Variants in XKR9 observed in about 807,000 individuals in gnomAD.
XKR9 encodes the protein XK related 9, also known as XK-related protein 9.
XKR9 carries 32 observed loss-of-function variants against 32.0 expected under a neutral mutation model. The ratio of observed to expected loss-of-function variants is 1.00; its 90% CI spans 0.76 to 1.34. The LOEUF (loss-of-function observed/expected upper bound fraction) is 1.34, where lower values mean the gene tolerates loss of function less well. Ranked by LOEUF, XKR9 falls within the 40% of genes most tolerant of loss-of-function variation. The pLI is 0.00. For missense variants in XKR9, 546 were observed against 429.7 expected (o/e 1.27, Z -2.39); for synonymous variants, 168 against 143.4 (o/e 1.17, Z -1.22).
the XKR9 span, among the ~76,000 whole-genome samples, chr8:70,839,479 C>T: frequency 6.6e-6 from 1 of 152,102 alleles, no homozygotes; most frequent in Admixed American, 6.6e-5. Flanking sequence ...CTATTTTTCT[C>T]AAACATAGCC....
chr8:70,942,268 G>A, the XKR9 span, among the ~76,000 whole-genome samples: 6 of 152,116 alleles, frequency 3.9e-5, no homozygotes, highest in Non-Finnish European at 7.4e-5. Flanking sequence ...ACATCACCCT[G>A]CAGCTAGTTA....
the XKR9 span, among the ~76,000 whole-genome samples, chr8:71,041,030 C>T: frequency 6.6e-6 from 1 of 152,190 alleles, no homozygotes; most frequent in Non-Finnish European, 1.5e-5. Context: ...AATTTGACTC[C>T]TCATCAGTAA....
intron 2 of XKR9, among the ~76,000 whole-genome samples, chr8:70,748,345 C>T (rs1221208998): frequency 2.0e-5 from 3 of 152,214 alleles, no homozygotes; most frequent in African/African-American, 4.8e-5. Flanking sequence ...AAGCCCCCTT[C>T]CCCCCACAGG....
the XKR9 span, among the ~76,000 whole-genome samples, chr8:71,046,754 TA>T: frequency 6.6e-6 from 1 of 152,208 alleles, no homozygotes; most frequent in African/African-American, 2.4e-5. Flanking sequence ...ATTGCTTCAC[TA>T]AATGGAAGAA....
At chr8:70,717,593 T>C (rs1279570211) in intron 4 of XKR9, among the ~76,000 whole-genome samples, 1 of 152,184 alleles carries the variant, frequency 6.6e-6, no homozygotes, top group Admixed American at 6.5e-5. Flanking sequence ...GTCCTGAGGC[T>C]GCATAGAGCA....
At chr8:70,950,631 A>G in the XKR9 span, among the ~76,000 whole-genome samples, 1 of 151,910 alleles carries the variant, frequency 6.6e-6, no homozygotes, top group Non-Finnish European at 1.5e-5. Flanking sequence ...GGTTGTGGAG[A>G]AGCTCTTCCC....
chr8:70,700,972 G>T (rs1266911764), intron 3 of XKR9, among the ~76,000 whole-genome samples: 1 of 152,224 alleles, frequency 6.6e-6, no homozygotes, highest in African/African-American at 2.4e-5. Flanking sequence ...ACTCCGTGGG[G>T]CGTAGGACCC....
chr8:70,715,578 A>G (rs1806060766), intron 4 of XKR9, among the ~76,000 whole-genome samples: 1 of 152,136 alleles, frequency 6.6e-6, no homozygotes, highest in Non-Finnish European at 1.5e-5. Context: ...TAGAGAAATC[A>G]CCAAAGAATA....
chr8:70,803,026 A>G, the XKR9 span, among the ~76,000 whole-genome samples: 461 of 152,338 alleles, frequency 3.0e-3, 18 homozygotes, highest in Admixed American at 0.029. Context: ...ATTTTCATCA[A>G]TGATATCCTC....
intron 2 of XKR9, among the ~76,000 whole-genome samples, chr8:70,763,291 C>A (rs968213033): frequency 6.6e-6 from 1 of 152,162 alleles, no homozygotes; most frequent in African/African-American, 2.4e-5. Flanking sequence ...TATCGTGAGG[C>A]AGTGGCCTTG....
the XKR9 span, among the ~76,000 whole-genome samples, chr8:70,842,307 A>G: frequency 1.1e-4 from 16 of 152,068 alleles, no homozygotes; most frequent in Non-Finnish European, 2.4e-4. Flanking sequence ...TTTTAGCACA[A>G]TTTTTACCAT....
rs1171275543 is a variant in XKR9, at chr8:70,671,073, C to G, written c.-361+1535C>G. ...TTTACTTACAGGGTCTGGCTTTCAC[C>G]CGGGCTGCAGTGCAGTGGCACTATC... On this transcript the variant is annotated intron_variant, in intron 1 of 4. Coordinates refer to ENST00000408926, the MANE Select transcript of XKR9 (RefSeq NM_001011720.2). 2.6e-5 allele frequency among the ~76,000 whole-genome samples: 4 copies of G among 152,280 alleles called. No homozygotes were observed. In the East Asian group the frequency reaches 7.7e-4, roughly 29 times the overall value.
chr8:70,844,575 G>A, the XKR9 span, among the ~76,000 whole-genome samples: 1 of 152,158 alleles, frequency 6.6e-6, no homozygotes, highest in Non-Finnish European at 1.5e-5. Flanking sequence ...ACAGCCTCAA[G>A]TGCACCAGTG....
chr8:70,802,536 A>G, the XKR9 span, among the ~76,000 whole-genome samples: 2 of 152,158 alleles, frequency 1.3e-5, no homozygotes, highest in African/African-American at 4.8e-5. Flanking sequence ...TTAGCTGGTT[A>G]TTATGCAGCC....
chr8:71,001,470 C>A, the XKR9 span, among the ~76,000 whole-genome samples: 1 of 152,088 alleles, frequency 6.6e-6, no homozygotes, highest in Non-Finnish European at 1.5e-5. Context: ...GCTATGTTGC[C>A]TAGGCTGGTC....
chr8:70,788,812 C>A (rs569918510), intron 2 of XKR9, among the ~76,000 whole-genome samples: 1 of 152,040 alleles, frequency 6.6e-6, no homozygotes, highest in African/African-American at 2.4e-5. Context: ...ATAAAATGTA[C>A]TAAAAATTAC....
At chr8:70,728,320 C>A (rs1004884268) in intron 4 of XKR9, among the ~76,000 whole-genome samples, 2 of 152,202 alleles carry the variant, frequency 1.3e-5, no homozygotes, top group African/African-American at 2.4e-5. Flanking sequence ...TCTCTAACTT[C>A]TTCCTGCTGA....
At chr8:70,812,899 A>G in the XKR9 span, among the ~76,000 whole-genome samples, 3 of 152,232 alleles carry the variant, frequency 2.0e-5, no homozygotes, top group African/African-American at 7.2e-5. Context: ...TGTCATCCCC[A>G]TCAAGATACC....
At chr8:71,006,235 A>G in the XKR9 span, among the ~76,000 whole-genome samples, 3 of 152,270 alleles carry the variant, frequency 2.0e-5, no homozygotes, top group African/African-American at 7.2e-5. Context: ...AAGCTTGTCA[A>G]ACCTGTGTTC....
Sources: allele counts gnomAD v4.1 joint callset (sites outside exome capture counted in the v4.1 genomes callset), GRCh38; gene constraint gnomAD v4.1.1; transcripts MANE v1.5; gene names NCBI Gene and HGNC (gene_info 2026-07-23, HGNC 2026-07-21).